KIAA1671: variants seen among roughly 807,000 people sequenced by gnomAD.
The protein encoded by KIAA1671 is uncharacterized protein KIAA1671.
KIAA1671 carries 52 observed loss-of-function variants against 131.2 expected under a neutral mutation model. That is an observed-to-expected ratio of 0.40 (90% CI 0.32 to 0.50). KIAA1671 has a LOEUF of 0.50. KIAA1671 is among the 20% of genes least tolerant of loss of function. The pLI, the probability that KIAA1671 is intolerant of heterozygous loss-of-function variation, is 0.73. For synonymous variants in KIAA1671, 1,003 were observed against 961.6 expected, an observed-to-expected ratio of 1.04 and a Z score of -0.80; for missense variants, 2,360 against 2,364.2, an observed-to-expected ratio of 1.00 and a Z score of 0.04.
chr22:25,018,693 A>G (rs2123887357), intron 1 of KIAA1671, among the ~76,000 whole-genome samples: 2 of 152,346 alleles, frequency 1.3e-5, no homozygotes, highest in South Asian at 4.1e-4. Flanking sequence ...TTCACTTAGC[A>G]AAATGTCTTC....
At chr22:25,096,826 G>A (rs967587039) in intron 6 of KIAA1671, among the ~76,000 whole-genome samples, 1 of 152,200 alleles carries the variant, frequency 6.6e-6, no homozygotes, top group Admixed American at 6.5e-5. Flanking sequence ...TGCCACTGTG[G>A]ATTAGTCTGT....
chr22:25,110,530 T>G (rs1473302014), intron 6 of KIAA1671, among the ~76,000 whole-genome samples: 2 of 152,180 alleles, frequency 1.3e-5, no homozygotes. Context: ...CATTTCCTTG[T>G]CTGTAAAAGT....
Position 25,129,699 on chromosome 22 carries a change from C to G in KIAA1671, c.4531-41121C>G, listed in dbSNP as rs111320244. Among the ~76,000 whole-genome samples, 202 of 150,536 alleles carry G rather than the reference C, an allele frequency of 1.3e-3. 1 individual carries two copies. Among genetic ancestry groups the G allele is most frequent in the African/African-American group, 4.5e-3 (182 of 40,890 alleles). On this transcript the variant is annotated intron_variant, in intron 6 of 12. Coordinates refer to ENST00000358431, the MANE Select transcript of KIAA1671 (RefSeq NM_001145206.2). ...TTGAGACAGGGTCTTGCCCTGTTCC[C>G]CAGGCTGGAGTGCAGTGGCATGATC...
intron 1 of KIAA1671, chr22:25,013,674 G>GT (rs1925160649): frequency 6.6e-6 from 1 of 152,262 alleles, no homozygotes; most frequent in Non-Finnish European, 1.5e-5. Flanking sequence ...TTGGGGTTGA[G>GT]TTTCCTCTGC....
rs1264103020 is a variant in KIAA1671 at position 25,128,588 on chromosome 22, C to T, written c.4531-42232C>T. Among the ~76,000 whole-genome samples, 3 of 152,168 alleles carry T rather than the reference C, an allele frequency of 2.0e-5. No homozygotes were observed. The South Asian group carries it at 6.2e-4, about 32-fold the overall frequency. ...AGTCTCAAGAACTCAATGGTCAGTC[C>T]TTGTCCTGACCAACCGAGAAAGTCT... is the stretch of plus-strand genomic sequence containing the variant. On this transcript the variant is annotated intron_variant, in intron 6 of 12. Transcript: ENST00000358431.
At chr22:25,157,451 C>T (rs1933281896) in intron 6 of KIAA1671, among the ~76,000 whole-genome samples, 1 of 152,196 alleles carries the variant, frequency 6.6e-6, no homozygotes. Context: ...ATGTCTGCCT[C>T]ATTCTTTTTA....
At chr22:25,011,169 G>A (rs1925015419) in intron 1 of KIAA1671, 1 of 147,906 alleles carries the variant, frequency 6.8e-6, no homozygotes, top group Non-Finnish European at 1.5e-5. Flanking sequence ...TTGAGACGAA[G>A]TCTCACTCTG....
intron 1 of KIAA1671, among the ~76,000 whole-genome samples, chr22:24,985,344 CTT>C (rs370160170): frequency 0.078 from 11,348 of 145,456 alleles, 1,483 homozygotes; most frequent in African/African-American, 0.27. Context: ...TTGTTTCTTT[CTT>C]TTTTTTTTTT....
At chr22:24,993,225 C>T (rs1923940700) in intron 1 of KIAA1671, among the ~76,000 whole-genome samples, 1 of 152,136 alleles carries the variant, frequency 6.6e-6, no homozygotes, top group Non-Finnish European at 1.5e-5. Context: ...CACCCTCTCC[C>T]ACTCAGGAAA....
rs2145788649 is a variant in KIAA1671, at chr22:25,029,352, C to T, written c.1353C>T (p.Ala451=). 4.5e-6 allele frequency: 7 copies of T among 1,550,790 alleles called. No individual in the cohort carries two copies. The East Asian group carries it at 1.5e-4, about 32-fold the overall frequency. Residue 451 remains alanine, a synonymous_variant, in exon 3 of 13, where the codon GCC becomes GCT. Coordinates refer to ENST00000358431, the MANE Select transcript of KIAA1671 (RefSeq NM_001145206.2). ...TGTTTCGGGAGGACAGCACCTTGGC[C>T]TTGGCAGTGGGGTCTGAATCTCCCC... ...ISLFREDSTL[A]LAVGSESPLA...
intron 1 of KIAA1671, among the ~76,000 whole-genome samples, chr22:24,965,885 A>G (rs961437133): frequency 6.6e-6 from 1 of 152,212 alleles, no homozygotes; most frequent in African/African-American, 2.4e-5. Context: ...TGGCAGTAAT[A>G]AAAAGTAAAA....
At chr22:24,964,085 T>C (rs1922163971) in intron 1 of KIAA1671, among the ~76,000 whole-genome samples, 1 of 152,094 alleles carries the variant, frequency 6.6e-6, no homozygotes, top group Non-Finnish European at 1.5e-5. Context: ...TCCCAGCACT[T>C]TGGGAGGCCA....
At chr22:25,182,676 C>T (rs1052283636) in intron 10 of KIAA1671, among the ~76,000 whole-genome samples, 3 of 152,308 alleles carry the variant, frequency 2.0e-5, no homozygotes, top group African/African-American at 7.2e-5. Context: ...TCTGACTCTC[C>T]TCCGCCCCCA....
At chr22:25,176,827 A>G (rs1934046726) in intron 8 of KIAA1671, 1 of 152,298 alleles carries the variant, frequency 6.6e-6, no homozygotes, top group African/African-American at 2.4e-5. Flanking sequence ...CCTGATGTTT[A>G]GTAAGCTGCC....
intron 6 of KIAA1671, among the ~76,000 whole-genome samples, chr22:25,146,434 CAG>C (rs1283035137): frequency 5.9e-5 from 9 of 152,258 alleles, no homozygotes; most frequent in Admixed American, 5.9e-4. Context: ...GCCTCACCAA[CAG>C]AGTACTGACA....
chr22:25,177,662 C>CA lies in KIAA1671; in HGVS notation c.5074+141dup, dbSNP rs201927750. ...TACATAGGAAACTGATTTTTTTTTTCATGTCTTAAACACACAGGTGTTTAT... is the reference window on the plus strand; with the variant it reads ...TACATAGGAAACTGATTTTTTTTTTCAATGTCTTAAACACACAGGTGTTTAT... On this transcript the variant is annotated intron_variant, in intron 9 of 12. Coordinates refer to ENST00000358431, the MANE Select transcript of KIAA1671 (RefSeq NM_001145206.2). 57 of 677,254 alleles carry CA rather than the reference C, an allele frequency of 8.4e-5. No homozygotes were observed. In the African/African-American group the frequency reaches 1.2e-3, roughly 15 times the overall value. 42.0% of individuals were successfully genotyped at this position (677,254 alleles called of 1,614,324 possible). A position where few individuals can be genotyped will look rare whatever the true frequency, so the allele number is the denominator to read the frequency against.
At position 25,044,025 on chromosome 22, in the gene KIAA1671, C is replaced by T. The variant is rs942675139; in HGVS notation, c.4395+2500C>T. On this transcript the variant is annotated intron_variant, in intron 5 of 12. Coordinates refer to ENST00000358431, the MANE Select transcript of KIAA1671 (RefSeq NM_001145206.2). ...TAGGATACAGTCAGTAATGATCATG[C>T]GGTGAGGATTTGCCTTCAGTTAAGA... 6.1e-5 allele frequency among the ~76,000 whole-genome samples: 8 copies of T among 130,660 alleles called. No homozygotes were observed. In the South Asian group the frequency reaches 1.1e-3, roughly 19 times the overall value. 85.7% of individuals were successfully genotyped at this position (130,660 alleles called of 152,430 possible).
intron 6 of KIAA1671, among the ~76,000 whole-genome samples, chr22:25,075,584 TG>T (rs778446438): frequency 6.9e-6 from 1 of 144,492 alleles, no homozygotes; most frequent in Non-Finnish European, 1.5e-5. Flanking sequence ...CTCTGCCTCC[TG>T]GGTTCAAGCG....
intron 4 of KIAA1671, among the ~76,000 whole-genome samples, chr22:25,034,826 C>T (rs1223948091): frequency 6.6e-6 from 1 of 152,132 alleles, no homozygotes; most frequent in African/African-American, 2.4e-5. Flanking sequence ...CAAGCTCCGC[C>T]TCCTGGGTTC....
Sources: allele counts gnomAD v4.1 joint callset (sites outside exome capture counted in the v4.1 genomes callset), GRCh38; gene constraint gnomAD v4.1.1; transcripts MANE v1.5; gene names NCBI Gene and HGNC (gene_info 2026-07-23, HGNC 2026-07-21).